Variants in PSMB4 observed in about 807,000 individuals in gnomAD.
PSMB4 encodes the protein proteasome subunit beta type-4.
PSMB4 carries 16 observed loss-of-function variants against 35.2 expected under a neutral mutation model. The ratio of observed to expected loss-of-function variants is 0.45; its 90% CI spans 0.31 to 0.69. The LOEUF (loss-of-function observed/expected upper bound fraction) is 0.69, where lower values mean the gene tolerates loss of function less well. PSMB4 is among the 30% of genes least tolerant of loss of function. The pLI is 0.06. For synonymous variants in PSMB4, 144 were observed against 134.1 expected (o/e 1.07, Z -0.51); for missense variants, 333 against 351.8 (o/e 0.95, Z 0.43).
chr1:151,400,932 T>A lies in PSMB4; in HGVS notation c.576+87T>A. The A allele has an allele frequency of 3.7e-6, 5 of 1,347,720 alleles. No homozygotes were observed. The South Asian group carries it at 5.9e-5, about 16-fold the overall frequency. 83.5% of individuals were successfully genotyped at this position (1,347,720 alleles called of 1,614,324 possible). Reference sequence around the variant, plus strand: ...CTGCTTTTCTCCTGAAATTCTGATATGAGGGATGGGCTGGGATCGCTATTA... The same window carrying A: ...CTGCTTTTCTCCTGAAATTCTGATAAGAGGGATGGGCTGGGATCGCTATTA... On this transcript the variant is annotated intron_variant, in intron 4 of 6. Transcript: ENST00000290541.
chr1:151,401,071 C>A, intron 4 of PSMB4, 168 bp from the exon 5 acceptor site: 1 of 776,130 alleles, frequency 1.3e-6, no homozygotes, highest in Non-Finnish European at 2.2e-6. Flanking sequence ...CACCCTAGAA[C>A]TTCTTCCTGA....
chr1:151,401,405 C>A, intron 5 of PSMB4, 50 bp downstream of exon 5: 1 of 1,573,100 alleles, frequency 6.4e-7, no homozygotes, highest in Non-Finnish European at 8.8e-7. Context: ...TACTTGCAAT[C>A]CCTGGGTCTC....
chr1:151,399,958 C>G lies in PSMB4; in HGVS notation c.141-23C>G, dbSNP rs1467523612. 11 of 1,609,248 alleles carry G rather than the reference C, an allele frequency of 6.8e-6. No homozygotes were observed. In the Admixed American group the frequency reaches 1.7e-4, roughly 24 times the overall value. ...GGGCGCAGTCCATCCCCCCTCTCAG[C>G]TCCCACCGTTCTCACTCTTTAGGAA... is the stretch of plus-strand genomic sequence containing the variant. On this transcript the variant is annotated intron_variant, in intron 1 of 6. Transcript: ENST00000290541.
Position 151,401,937 on chromosome 1 carries a change from C to T in PSMB4, c.*108C>T. ...TAAAGTAAATAAATTCTTCAAAATGCTTGCTGAGTGGTTTTTGTCTGACTG... is the reference window on the plus strand; with the variant it reads ...TAAAGTAAATAAATTCTTCAAAATGTTTGCTGAGTGGTTTTTGTCTGACTG... On this transcript the variant is annotated 3_prime_UTR_variant, in exon 7 of 7. Coordinates refer to ENST00000290541, the MANE Select transcript of PSMB4 (RefSeq NM_002796.3). 2.4e-6 allele frequency: 3 copies of T among 1,236,392 alleles called. No individual in the cohort carries two copies. Among genetic ancestry groups the T allele is most frequent in the Non-Finnish European group, 3.5e-6 (3 of 852,200 alleles). The allele number at this position is 1,236,392 out of a possible 1,614,324, so 76.6% of individuals were successfully genotyped here.
rs775547991 is a variant in PSMB4, at chr1:151,401,403, A to G, written c.693+48A>G. 6.3e-6 allele frequency: 10 copies of G among 1,579,548 alleles called. No homozygotes were observed. The Admixed American group carries it at 8.3e-5, about 13-fold the overall frequency. On this transcript the variant is annotated intron_variant, in intron 5 of 6. Transcript: ENST00000290541. ...AATTGGCGGGCTCTGGCTACTTGCA[A>G]TCCCTGGGTCTCTATGCTTTGAAGA...
At chr1:151,399,936 C>A in intron 1 of PSMB4, 45 bp from the exon 2 acceptor site, 1 of 1,562,970 alleles carries the variant, frequency 6.4e-7, no homozygotes, top group Non-Finnish European at 8.8e-7. Flanking sequence ...GGAAAGAGGG[C>A]GCAGTCCATC....
intron 1 of PSMB4, 58 bp downstream of exon 1, chr1:151,399,785 C>T (rs1652753115): frequency 1.2e-6 from 2 of 1,610,516 alleles, no homozygotes; most frequent in Admixed American, 3.4e-5. Context: ...CTGGTGCTGC[C>T]GGCTGGTTTT....
Position 151,401,258 on chromosome 1 carries a change from T to C in PSMB4, c.596T>C (p.Leu199Pro), listed in dbSNP as rs755747531. The C allele has an allele frequency of 1.1e-5, 17 of 1,614,070 alleles. No individual in the cohort carries two copies. Among genetic ancestry groups the C allele is most frequent in the Non-Finnish European group, 1.4e-5 (16 of 1,180,022 alleles). ...YLAQPLLREVLEKQPVLSQTE... is the reference protein window; with the variant it reads ...YLAQPLLREVPEKQPVLSQTE... ...CCCTAGCCTCTGCTGCGAGAAGTTC[T>C]GGAGAAGCAGCCAGTGCTAAGCCAG... Residue 199 changes from leucine to proline, a missense_variant, in exon 5 of 7, where the codon CTG (leucine) becomes CCG (proline). Leu to Pro is a moderately conservative substitution (Grantham distance 98). Transcript: ENST00000290541.
intron 6 of PSMB4, 62 bp downstream of exon 6, chr1:151,401,692 GC>G: frequency 6.5e-7 from 1 of 1,545,358 alleles, no homozygotes; most frequent in Non-Finnish European, 8.9e-7. Flanking sequence ...ACTAAGCTGG[GC>G]TTTTCTGGGA....
chr1:151,399,598 T>C lies in PSMB4; in HGVS notation c.11T>C (p.Phe4Ser). The C allele has an allele frequency of 6.2e-7, 1 of 1,611,444 alleles. No individual in the cohort carries two copies. The highest frequency in any genetic ancestry group is 8.5e-7 in the Non-Finnish European group (1 of 1,178,904). The change falls in exon 1 of 7, where the codon TTT becomes TCT. Residue 4 changes from phenylalanine (F) to serine (S), a missense_variant. Phe to Ser is a radical substitution (Grantham distance 155). Transcript: ENST00000290541. MEA[F>S]LGSRSGLWAG... ...GCTACCGTGACTAAGATGGAAGCGT[T>C]TTTGGGGTCGCGGTCCGGACTTTGG...
intron 2 of PSMB4, 57 bp from the exon 3 acceptor site, chr1:151,400,385 A>G (rs1652770097): frequency 5.1e-6 from 8 of 1,582,192 alleles, no homozygotes; most frequent in Admixed American, 1.8e-5. Context: ...TCTTTTGGGG[A>G]TGGGTGGAGA....
At position 151,399,593 on chromosome 1, in the gene PSMB4, A is replaced by G. The variant is rs750786004; in HGVS notation, c.6A>G (p.Glu2=). 2.5e-6 allele frequency: 4 copies of G among 1,609,314 alleles called. No individual in the cohort carries two copies. The highest frequency in any genetic ancestry group is 3.4e-6 in the Non-Finnish European group (4 of 1,178,330). Residue 2 remains glutamate, a synonymous_variant, in exon 1 of 7, where the codon GAA becomes GAG. Coordinates refer to ENST00000290541, the MANE Select transcript of PSMB4 (RefSeq NM_002796.3). M[E]AFLGSRSGLW... ...TTTCTGCTACCGTGACTAAGATGGA[A>G]GCGTTTTTGGGGTCGCGGTCCGGAC...
chr1:151,401,065 C>T, intron 4 of PSMB4, 174 bp from the exon 5 acceptor site: 1 of 769,346 alleles, frequency 1.3e-6, no homozygotes, highest in Non-Finnish European at 2.2e-6. Context: ...AGAGGACACC[C>T]TAGAACTTCT....
intron 3 of PSMB4, 55 bp downstream of exon 3, chr1:151,400,643 T>C: frequency 6.2e-7 from 1 of 1,612,896 alleles, no homozygotes; most frequent in Non-Finnish European, 8.5e-7. Flanking sequence ...AGTACCTGTG[T>C]AGTATCTCTT....
intron 1 of PSMB4, 63 bp downstream of exon 1, chr1:151,399,790 G>T: frequency 6.2e-7 from 1 of 1,609,744 alleles, no homozygotes; most frequent in Non-Finnish European, 8.5e-7. Context: ...GCTGCCGGCT[G>T]GTTTTGAGAG....
At position 151,401,220 on chromosome 1, in the gene PSMB4, T is replaced by G; in HGVS notation, c.577-19T>G. ...ATTCAGCCCAATATCCCCCCATGGT[T>G]TTCCCCCAATCTCCCTAGCCTCTGC... On this transcript the variant is annotated intron_variant, in intron 4 of 6. Coordinates refer to ENST00000290541, the MANE Select transcript of PSMB4 (RefSeq NM_002796.3). 6.2e-7 allele frequency: 1 copy of G among 1,604,486 alleles called. No individual in the cohort carries two copies. Among genetic ancestry groups the G allele is most frequent in the Non-Finnish European group, 8.5e-7 (1 of 1,171,226 alleles).
intron 1 of PSMB4, 28 bp from the exon 2 acceptor site, chr1:151,399,953 C>T (rs1398493892): frequency 1.2e-6 from 2 of 1,606,950 alleles, no homozygotes; most frequent in Non-Finnish European, 1.7e-6. Context: ...CATCCCCCCT[C>T]TCAGCTCCCA....
Position 151,400,015 on chromosome 1 carries a change from G to A in PSMB4, c.175G>A (p.Val59Ile), listed in dbSNP as rs1020706621. 3 of 1,614,094 alleles carry A rather than the reference G, an allele frequency of 1.9e-6. No individual in the cohort carries two copies. The highest frequency in any genetic ancestry group is 2.5e-6 in the Non-Finnish European group (3 of 1,179,966). Reference sequence around the variant, plus strand: ...GGTGACCGGGACCTCAGTCCTCGGCGTTAAGTTCGAGGGCGGAGTGGTGAT... The same window carrying A: ...GGTGACCGGGACCTCAGTCCTCGGCATTAAGTTCGAGGGCGGAGTGGTGAT... ...PMVTGTSVLG[V>I]KFEGGVVIAA... The change falls in exon 2 of 7, where the codon GTT (valine) becomes ATT (isoleucine). Residue 59 changes from valine to isoleucine, a missense_variant. By Grantham distance (29) the Val-to-Ile change is conservative. Coordinates refer to ENST00000290541, the MANE Select transcript of PSMB4 (RefSeq NM_002796.3).
intron 1 of PSMB4, 104 bp downstream of exon 1, chr1:151,399,831 C>G: frequency 6.3e-7 from 1 of 1,585,896 alleles, no homozygotes; most frequent in Non-Finnish European, 8.6e-7. Context: ...ACCCCGGGGG[C>G]GCGCGAACGG....
Sources: gnomAD v4.1 joint callset for allele counts on GRCh38, gnomAD v4.1.1 for gene constraint, MANE v1.5 for transcripts, NCBI Gene and HGNC (gene_info 2026-07-23, HGNC 2026-07-21) for gene names.